HRH1: variants seen among roughly 807,000 people sequenced by gnomAD.
The protein encoded by HRH1 is histamine H1 receptor.
In HRH1, 6 loss-of-function variants were observed where a neutral mutation model predicts 10.3. The observed-to-expected ratio is 0.58, with a 90% confidence interval of 0.32 to 1.15. The LOEUF (loss-of-function observed/expected upper bound fraction) is 1.15, where lower values mean the gene tolerates loss of function less well. Ranked by LOEUF, HRH1 falls within the 50% of genes most tolerant of loss-of-function variation. The pLI, the probability that HRH1 is intolerant of heterozygous loss-of-function variation, is 0.05. For missense variants in HRH1, 514 were observed against 615.3 expected (o/e 0.84, Z 1.74); for synonymous variants, 242 against 236.7 (o/e 1.02, Z -0.21).
rs1559283215 is a variant in HRH1 at position 11,242,509 on chromosome 3, A to AAAAAAT, written c.-35-16494_-35-16493insAAAAAT. Among the ~76,000 whole-genome samples, 5 of 120,766 alleles carry AAAAAAT rather than the reference A, an allele frequency of 4.1e-5. 1 individual carries two copies. Among genetic ancestry groups the AAAAAAT allele is most frequent in the African/African-American group, 1.3e-4 (4 of 30,178 alleles). 79.2% of individuals were successfully genotyped at this position (120,766 alleles called of 152,430 possible). ...AAAAAAAAAAAAAAAAAAAAAAAAA[A>AAAAAAT]GCTGTAACACTCACTGCAAAGGTCT... On this transcript the variant is annotated intron_variant, in intron 1 of 1. Coordinates refer to ENST00000431010, the MANE Select transcript of HRH1 (RefSeq NM_001098212.2).
intron 1 of HRH1, among the ~76,000 whole-genome samples, chr3:11,175,761 G>A (rs1400544533): frequency 1.3e-5 from 2 of 152,126 alleles, no homozygotes; most frequent in South Asian, 2.1e-4. Flanking sequence ...CACATATGTC[G>A]AATTGACAAT....
chr3:11,229,191 A>G (rs1304383913), intron 1 of HRH1, among the ~76,000 whole-genome samples: 5 of 151,800 alleles, frequency 3.3e-5, no homozygotes, highest in Non-Finnish European at 2.9e-5. Context: ...TTTGTTTCAG[A>G]TGGGCTCTGA....
intron 1 of HRH1, among the ~76,000 whole-genome samples, chr3:11,244,759 A>G (rs747062574): frequency 6.6e-6 from 1 of 152,210 alleles, no homozygotes; most frequent in Non-Finnish European, 1.5e-5. Context: ...ATTGTTGGAT[A>G]ACATCTTTTT....
chr3:11,223,507 A>T (rs1938782704), intron 1 of HRH1, among the ~76,000 whole-genome samples: 1 of 152,166 alleles, frequency 6.6e-6, no homozygotes, highest in African/African-American at 2.4e-5. Context: ...TCAAAAAAAA[A>T]AAATGTGGAC....
chr3:11,208,633 G>A (rs1938220559), intron 1 of HRH1, among the ~76,000 whole-genome samples: 1 of 152,198 alleles, frequency 6.6e-6, no homozygotes, highest in Admixed American at 6.5e-5. Flanking sequence ...TACATACGAT[G>A]TTACAGAAAT....
intron 1 of HRH1, among the ~76,000 whole-genome samples, chr3:11,174,396 G>A (rs369776535): frequency 2.7e-4 from 41 of 152,268 alleles, no homozygotes; most frequent in Admixed American, 1.2e-3. Context: ...GACTCCCAGA[G>A]CCTTGAGGGA....
intron 1 of HRH1, among the ~76,000 whole-genome samples, chr3:11,182,144 G>A (rs1374174634): frequency 6.6e-6 from 1 of 151,540 alleles, no homozygotes; most frequent in Non-Finnish European, 1.5e-5. Context: ...CACCGCACCT[G>A]GCTAATTTTT....
upstream of HRH1, chr3:11,154,433 C>T (rs1176106646): frequency 5.4e-5 from 4 of 74,118 alleles, no homozygotes; most frequent in Non-Finnish European, 7.9e-5. The surrounding 1 kb of genome is among the most constrained non-coding windows in gnomAD (Gnocchi z 4.4). Flanking sequence ...CTCGGAGCGG[C>T]TCCTCCTCCG....
chr3:11,160,880 G>C (rs1936908344), intron 1 of HRH1, among the ~76,000 whole-genome samples: 2 of 152,258 alleles, frequency 1.3e-5, no homozygotes, highest in Non-Finnish European at 2.9e-5. Flanking sequence ...CTGGGTGATT[G>C]AGAAAGGTTT....
chr3:11,167,854 T>G (rs1424945374), intron 1 of HRH1, among the ~76,000 whole-genome samples: 1 of 152,238 alleles, frequency 6.6e-6, no homozygotes, highest in Non-Finnish European at 1.5e-5. Context: ...CCCATTCACT[T>G]GACAAATATT....
At chr3:11,249,327 C>T (rs1404715086) in intron 1 of HRH1, among the ~76,000 whole-genome samples, 3 of 147,144 alleles carry the variant, frequency 2.0e-5, no homozygotes, top group African/African-American at 5.1e-5. Flanking sequence ...GGCGTGAACT[C>T]GGGAGGCAGA....
chr3:11,238,749 A>G (rs559890877), intron 1 of HRH1, among the ~76,000 whole-genome samples: 18 of 152,300 alleles, frequency 1.2e-4, no homozygotes, highest in Middle Eastern at 6.8e-3. Context: ...AAATTTGCCA[A>G]TTCTGGACGT....
At chr3:11,183,943 T>C (rs1937406217) in intron 1 of HRH1, among the ~76,000 whole-genome samples, 1 of 148,808 alleles carries the variant, frequency 6.7e-6, no homozygotes, top group Non-Finnish European at 1.5e-5. Context: ...GCCGTGTGAC[T>C]GGTCCTTGGT....
At chr3:11,173,670 T>C (rs966030313) in intron 1 of HRH1, among the ~76,000 whole-genome samples, 1 of 152,224 alleles carries the variant, frequency 6.6e-6, no homozygotes, top group African/African-American at 2.4e-5. Flanking sequence ...CTCTGAGAAG[T>C]CCTGCAGTAA....
intron 1 of HRH1, among the ~76,000 whole-genome samples, chr3:11,167,397 C>T (rs1937066056): frequency 4.7e-5 from 1 of 21,110 alleles, no homozygotes; most frequent in Non-Finnish European, 9.8e-5. Context: ...TCTCCAGGCC[C>T]GTGACATCTG....
At chr3:11,144,429 A>ATATAGAAG (rs1936370097) in intron 1 of HRH1, among the ~76,000 whole-genome samples, 1 of 44,368 alleles carries the variant, frequency 2.3e-5, no homozygotes, top group Non-Finnish European at 6.2e-5. Context: ...GTATATATAC[A>ATATAGAAG]TATAGACATA....
intron 1 of HRH1, among the ~76,000 whole-genome samples, chr3:11,162,811 G>T (rs1286755059): frequency 6.6e-6 from 1 of 152,168 alleles, no homozygotes; most frequent in African/African-American, 2.4e-5. Context: ...AGGAGGCAGG[G>T]TTAAAGCAGT....
intron 1 of HRH1, among the ~76,000 whole-genome samples, chr3:11,249,075 G>C (rs1377223813): frequency 6.6e-6 from 1 of 152,054 alleles, no homozygotes; most frequent in Non-Finnish European, 1.5e-5. Flanking sequence ...TTTATCATTG[G>C]GTATGAAGTG....
chr3:11,230,318 A>C lies in HRH1; in HGVS notation c.-35-28685A>C, dbSNP rs140826865. Among the ~76,000 whole-genome samples the C allele has an allele frequency of 5.5e-3, 832 of 152,298 alleles. 4 individuals carry two copies. Among genetic ancestry groups the C allele is most frequent in the Middle Eastern group, 0.01 (3 of 294 alleles). On this transcript the variant is annotated intron_variant, in intron 1 of 1. Transcript: ENST00000431010. ...GCCAAGATGAGCTCATACACAGAAG[A>C]ATCAAGGAGCAAGAGGCAGCTTGCT... is the stretch of plus-strand genomic sequence containing the variant.
Sources: gnomAD v4.1 joint callset for allele counts (sites outside exome capture counted in the v4.1 genomes callset) on GRCh38, gnomAD v4.1.1 for gene constraint, Gnocchi (gnomAD v3.1) non-coding constraint, MANE v1.5 for transcripts, NCBI Gene and HGNC (gene_info 2026-07-23, HGNC 2026-07-21) for gene names.